SETD5: variants seen among roughly 807,000 people sequenced by gnomAD.
SETD5 encodes SET domain containing 5, also known as histone-lysine N-methyltransferase SETD5.
A neutral mutation model predicts 153.3 loss-of-function variants in SETD5; 44 were observed. The ratio of observed to expected loss-of-function variants is 0.29; its 90% CI spans 0.23 to 0.37. The LOEUF (loss-of-function observed/expected upper bound fraction) is 0.37, where lower values mean the gene tolerates loss of function less well. SETD5 is among the 10% of genes least tolerant of loss of function. SETD5 has a pLI of 1.00. For synonymous variants in SETD5, 716 were observed against 645.2 expected (o/e 1.11, Z -1.66); for missense variants, 1,544 against 1,768.0 (o/e 0.87, Z 2.27).
rs143706821 is a variant in SETD5, at chr3:9,419,269, A to G, written c.-176-5198A>G. Among the ~76,000 whole-genome samples the G allele has an allele frequency of 1.3e-3, 204 of 152,372 alleles. 5 individuals are homozygous for G. The East Asian group carries it at 0.025, about 18-fold the overall frequency. ...TTAAAATAGCACTTAACATAGTAAT[A>G]TATGTATATTAATAGTAGTTACTTC... On this transcript the variant is annotated intron_variant, in intron 1 of 22. Transcript: ENST00000402198.
chr3:9,427,602 A>G (rs2039450315), intron 2 of SETD5, among the ~76,000 whole-genome samples: 1 of 152,202 alleles, frequency 6.6e-6, no homozygotes, highest in Non-Finnish European at 1.5e-5. Flanking sequence ...AGTCGGTATC[A>G]TGTACTTTTC....
chr3:9,475,263 C>T, intron 22 of SETD5, 107 bp downstream of exon 22: 1 of 1,225,954 alleles, frequency 8.2e-7, no homozygotes. Context: ...ATAGTTTCAG[C>T]AGCCTTGGAA....
intron 17 of SETD5, among the ~76,000 whole-genome samples, chr3:9,455,165 T>G (rs1289861712): frequency 1.6e-4 from 23 of 140,816 alleles, no homozygotes; most frequent in African/African-American, 5.8e-4. Flanking sequence ...TTTTTCTTTT[T>G]TTCTTTTTTT....
At chr3:9,452,994 T>A (rs1575502844) in intron 16 of SETD5, among the ~76,000 whole-genome samples, 1 of 152,174 alleles carries the variant, frequency 6.6e-6, no homozygotes, top group African/African-American at 2.4e-5. Context: ...AATCTTATTA[T>A]CCTAATCTTT....
rs769404219 is a variant in SETD5, at chr3:9,470,756, G to A, written c.3022G>A (p.Asp1008Asn). The A allele has an allele frequency of 6.2e-7, 1 of 1,614,014 alleles. No individual in the cohort carries two copies. Among genetic ancestry groups the A allele is most frequent in the Non-Finnish European group, 8.5e-7 (1 of 1,179,892 alleles). ...GTATCGAGGATCTCCTCTAGTGGGG[G>A]ATAGGAAGCCTTTACATTTGGATGG... is the stretch of plus-strand genomic sequence containing the variant. ...GLYRGSPLVG[D>N]RKPLHLDGGY... The change falls in exon 19 of 23, where the codon GAT becomes AAT. Residue 1008 changes from aspartate (D) to asparagine (N), a missense_variant. Transcript: ENST00000402198.
At chr3:9,462,842 G>A (rs2125477706) in intron 17 of SETD5, among the ~76,000 whole-genome samples, 1 of 151,958 alleles carries the variant, frequency 6.6e-6, no homozygotes, top group South Asian at 2.1e-4. Flanking sequence ...GATAATAATA[G>A]TGCTTGATTT....
chr3:9,448,273 A>T, intron 15 of SETD5, 115 bp from the exon 16 acceptor site: 1 of 1,451,468 alleles, frequency 6.9e-7, no homozygotes, highest in Non-Finnish European at 9.2e-7. Context: ...TGCTCAATTC[A>T]TTCTTACTGC....
At chr3:9,472,694 C>T (rs1462505029) in intron 19 of SETD5, among the ~76,000 whole-genome samples, 3 of 151,754 alleles carry the variant, frequency 2.0e-5, no homozygotes, top group African/African-American at 7.3e-5. Flanking sequence ...TTCCTTCTCT[C>T]TCTCCCTCTC....
chr3:9,448,860 G>C (rs1259462413), intron 16 of SETD5, among the ~76,000 whole-genome samples: 1 of 152,170 alleles, frequency 6.6e-6, no homozygotes, highest in Non-Finnish European at 1.5e-5. Context: ...TTTGTGACTG[G>C]TCACTGATGT....
rs767110813 is a variant in SETD5, at chr3:9,441,627, A to G, written c.845A>G (p.His282Arg). ...GGAAGAGTCACTCGTGTTCAAAAGC[A>G]CCGGAAGATCCTGAGGGCTGCAAGA... ...QLGRVTRVQK[H>R]RKILRAARDL... Residue 282 changes from histidine to arginine, a missense_variant, in exon 9 of 23, where the codon CAC becomes CGC. His to Arg is a conservative substitution (Grantham distance 29). This residue lies in a region of SETD5 where 30 missense variants were observed against 66.0 expected (regional missense o/e 0.45). Transcript: ENST00000402198. The G allele has an allele frequency of 6.2e-7, 1 of 1,613,878 alleles. No homozygotes were observed.
chr3:9,440,745 G>A, intron 8 of SETD5, 47 bp downstream of exon 8: 1 of 1,577,380 alleles, frequency 6.3e-7, no homozygotes, highest in Non-Finnish European at 8.6e-7. Flanking sequence ...GAAATTTTAA[G>A]AACCCAGGAA....
At chr3:9,471,289 C>T (rs1037962895) in intron 19 of SETD5, among the ~76,000 whole-genome samples, 2 of 152,158 alleles carry the variant, frequency 1.3e-5, no homozygotes, top group Admixed American at 6.5e-5. Flanking sequence ...CTATTTTGCA[C>T]ATGAGGAAAC....
chr3:9,465,514 T>C (rs1313669956), intron 18 of SETD5, among the ~76,000 whole-genome samples: 5 of 152,252 alleles, frequency 3.3e-5, no homozygotes, highest in Non-Finnish European at 7.3e-5. Flanking sequence ...ACTCTGCTGC[T>C]CTGCCCCCTT....
At chr3:9,445,511 A>G in intron 12 of SETD5, 146 bp from the exon 13 acceptor site, 1 of 868,748 alleles carries the variant, frequency 1.2e-6, no homozygotes, top group Non-Finnish European at 1.8e-6. Context: ...GGGGTTAGTT[A>G]TCATCTGTGT....
intron 17 of SETD5, among the ~76,000 whole-genome samples, chr3:9,462,411 C>T (rs891206395): frequency 6.6e-6 from 1 of 150,874 alleles, no homozygotes; most frequent in Non-Finnish European, 1.5e-5. Context: ...CATGGTGAAA[C>T]CCCGTCTCTA....
chr3:9,433,423 G>C (rs987545061), intron 3 of SETD5: 3 of 1,289,924 alleles, frequency 2.3e-6, no homozygotes, highest in Non-Finnish European at 2.0e-6. Flanking sequence ...GGGCAGTGCA[G>C]AAGGCACTTT....
chr3:9,419,607 A>G (rs2038072450), intron 1 of SETD5, among the ~76,000 whole-genome samples: 1 of 152,204 alleles, frequency 6.6e-6, no homozygotes, highest in Non-Finnish European at 1.5e-5. Flanking sequence ...GTTGCTATCT[A>G]AGGTAAGTAG....
At chr3:9,444,206 A>G (rs896476989) in intron 11 of SETD5, among the ~76,000 whole-genome samples, 1 of 152,262 alleles carries the variant, frequency 6.6e-6, no homozygotes, top group Admixed American at 6.5e-5. Flanking sequence ...AGAAAACCAT[A>G]AAGGGCAATT....
rs532336230 is a variant in SETD5, at chr3:9,473,940, C to T, written c.3497+403C>T. ...AGCATATACAGAGCAAAAAGACATT[C>T]TGAAAGGATTTGTCTGGTTTAGGGG... On this transcript the variant is annotated intron_variant, in intron 20 of 22. Coordinates refer to ENST00000402198, the MANE Select transcript of SETD5 (RefSeq NM_001080517.3). 1.5e-4 allele frequency among the ~76,000 whole-genome samples: 23 copies of T among 152,280 alleles called. No individual in the cohort carries two copies. The South Asian group carries it at 4.8e-3, about 32-fold the overall frequency.
Sources: gnomAD v4.1 joint callset for allele counts (sites outside exome capture counted in the v4.1 genomes callset) on GRCh38, gnomAD v4.1.1 for gene constraint, gnomAD v4.1.1 regional missense constraint, MANE v1.5 for transcripts, NCBI Gene and HGNC (gene_info 2026-07-23, HGNC 2026-07-21) for gene names.